METTL25: variants seen among roughly 807,000 people sequenced by gnomAD.
The protein encoded by METTL25 is methyltransferase like 25, also known as probable methyltransferase-like protein 25.
METTL25 carries 64 observed loss-of-function variants against 71.6 expected under a neutral mutation model. The observed-to-expected ratio is 0.89, with a 90% CI of 0.73 to 1.10. The LOEUF is 1.10. METTL25 is among the 50% of genes least tolerant of loss of function. The pLI, the probability that METTL25 is intolerant of heterozygous loss-of-function variation, is 0.00. For synonymous variants in METTL25, 287 were observed against 250.3 expected, an observed-to-expected ratio of 1.15 and a Z score of -1.38; for missense variants, 807 against 707.0, an observed-to-expected ratio of 1.14 and a Z score of -1.60.
intron 5 of METTL25, among the ~76,000 whole-genome samples, chr12:82,419,515 A>G (rs892988643): frequency 6.6e-6 from 1 of 152,104 alleles, no homozygotes; most frequent in Non-Finnish European, 1.5e-5. Flanking sequence ...TTCTTTTGAT[A>G]TGATACTGGA....
At chr12:82,410,383 T>G (rs1341240895) in intron 5 of METTL25, among the ~76,000 whole-genome samples, 1 of 152,176 alleles carries the variant, frequency 6.6e-6, no homozygotes, top group African/African-American at 2.4e-5. Flanking sequence ...ATATTTTCTA[T>G]CTCATACAAT....
At chr12:82,418,771 A>C (rs570883608) in intron 5 of METTL25, among the ~76,000 whole-genome samples, 1 of 152,146 alleles carries the variant, frequency 6.6e-6, no homozygotes, top group Non-Finnish European at 1.5e-5. Flanking sequence ...AAATGAATCC[A>C]TCATAAGGAC....
chr12:82,440,871 C>A (rs1890268942), intron 8 of METTL25, among the ~76,000 whole-genome samples: 1 of 151,924 alleles, frequency 6.6e-6, no homozygotes, highest in Admixed American at 6.6e-5. Context: ...AATTATGGGA[C>A]AAAAATCAAA....
At chr12:82,437,227 TA>T (rs1373765929) in intron 7 of METTL25, among the ~76,000 whole-genome samples, 1 of 151,710 alleles carries the variant, frequency 6.6e-6, no homozygotes, top group African/African-American at 2.4e-5. Context: ...AAAGAGATTT[TA>T]TATAAGAATT....
At chr12:82,400,882 T>C (rs1291058988) in intron 4 of METTL25, among the ~76,000 whole-genome samples, 1 of 152,180 alleles carries the variant, frequency 6.6e-6, no homozygotes, top group Non-Finnish European at 1.5e-5. Context: ...TCTTATATGA[T>C]AAATACAATA....
chr12:82,428,385 C>T (rs1252205505), intron 5 of METTL25, among the ~76,000 whole-genome samples: 1 of 151,830 alleles, frequency 6.6e-6, no homozygotes, highest in African/African-American at 2.4e-5. Flanking sequence ...TAGCACACCC[C>T]TGTCTCTCTA....
chr12:82,474,747 T>A (rs1032834164), intron 9 of METTL25, among the ~76,000 whole-genome samples: 1 of 151,434 alleles, frequency 6.6e-6, no homozygotes, highest in Admixed American at 6.6e-5. Flanking sequence ...AACAACAAAC[T>A]TTTTTTTTAA....
At chr12:82,445,597 T>C (rs182126008) in intron 8 of METTL25, among the ~76,000 whole-genome samples, 14 of 152,304 alleles carry the variant, frequency 9.2e-5, no homozygotes, top group Admixed American at 9.2e-4. Context: ...TCGTTGTCTT[T>C]AGGGCAGTAC....
chr12:82,437,613 T>A (rs1405065772), intron 7 of METTL25, among the ~76,000 whole-genome samples: 1 of 151,752 alleles, frequency 6.6e-6, no homozygotes, highest in Non-Finnish European at 1.5e-5. Flanking sequence ...ATAAACTCCA[T>A]CTGAATTAAT....
In METTL25 at chr12:82,472,297, G is replaced by A. The variant is rs142211835; in HGVS notation, c.1573-4347G>A. 3.7e-3 allele frequency among the ~76,000 whole-genome samples: 553 copies of A among 151,274 alleles called. 3 individuals are homozygous for A. Among genetic ancestry groups the A allele is most frequent in the Admixed American group, 0.01 (155 of 15,214 alleles). On this transcript the variant is annotated intron_variant, in intron 9 of 11. Transcript: ENST00000248306. ...TCAATAACATTTTTTTGTTTTTTTC[G>A]TTTTGAAAAAAAATTCTTGGGCCTG... is the stretch of plus-strand genomic sequence containing the variant.
intron 8 of METTL25, among the ~76,000 whole-genome samples, chr12:82,448,443 G>T (rs554955328): frequency 6.6e-6 from 1 of 151,904 alleles, no homozygotes; most frequent in South Asian, 2.1e-4. Flanking sequence ...TTTCTAAGGG[G>T]AATAAAATGC....
intron 5 of METTL25, among the ~76,000 whole-genome samples, chr12:82,422,358 TA>T (rs1888596600): frequency 6.6e-6 from 1 of 152,182 alleles, no homozygotes; most frequent in African/African-American, 2.4e-5. Context: ...CCCTTCATGC[TA>T]AAAACTCTCA....
intron 1 of METTL25, among the ~76,000 whole-genome samples, chr12:82,373,227 G>A (rs1245258329): frequency 6.6e-6 from 1 of 152,146 alleles, no homozygotes; most frequent in East Asian, 1.9e-4. Flanking sequence ...GGAGGGAAGG[G>A]ATCTCGAGGG....
intron 5 of METTL25, among the ~76,000 whole-genome samples, chr12:82,408,354 C>T (rs1052872092): frequency 5.3e-5 from 8 of 151,848 alleles, no homozygotes; most frequent in Non-Finnish European, 1.2e-4. Flanking sequence ...ATGCAGAGAG[C>T]TGGAGTAACT....
In METTL25 at chr12:82,398,798, A is replaced by G. The variant is rs1414062491; in HGVS notation, c.535A>G (p.Ile179Val). 1.3e-6 allele frequency: 2 copies of G among 1,512,818 alleles called. No individual in the cohort carries two copies. The highest frequency in any genetic ancestry group is 1.8e-6 in the Non-Finnish European group (2 of 1,138,122). The allele number at this position is 1,512,818 out of a possible 1,614,324, so 93.7% of individuals were successfully genotyped here. A position where few individuals can be genotyped will look rare whatever the true frequency, so the allele number is the denominator to read the frequency against. Residue 179 changes from isoleucine to valine, a missense_variant, in exon 4 of 12, where the codon ATT becomes GTT. By Grantham distance (29) the Ile-to-Val change is conservative. Coordinates refer to ENST00000248306, the MANE Select transcript of METTL25 (RefSeq NM_032230.3). Reference sequence around the variant, plus strand: ...TATTCTTTTTTTCTAATCTTAGGTGATTGACTTGGGTTCCGGTAAAGGCTA... The same window carrying G: ...TATTCTTTTTTTCTAATCTTAGGTGGTTGACTTGGGTTCCGGTAAAGGCTA... ...IADYYGIKQVIDLGSGKGYLS... is the reference protein window; with the variant it reads ...IADYYGIKQVVDLGSGKGYLS...
chr12:82,367,336 C>T, intron 1 of METTL25, among the ~76,000 whole-genome samples: 1 of 152,160 alleles, frequency 6.6e-6, no homozygotes, highest in Non-Finnish European at 1.5e-5. Flanking sequence ...CTGTTATCAT[C>T]ATTTATCATA....
At chr12:82,476,961 C>A (rs1244296002) in intron 10 of METTL25, among the ~76,000 whole-genome samples, 1 of 151,806 alleles carries the variant, frequency 6.6e-6, no homozygotes, top group Non-Finnish European at 1.5e-5. Flanking sequence ...CCTTTGAACA[C>A]ATATTGGTCC....
At chr12:82,447,698 C>G (rs775608120) in intron 8 of METTL25, among the ~76,000 whole-genome samples, 28 of 152,046 alleles carry the variant, frequency 1.8e-4, no homozygotes, top group Non-Finnish European at 3.5e-4. Context: ...ATATAGAAAT[C>G]AAGGTATTTA....
chr12:82,391,899 T>C (rs1288025685), intron 3 of METTL25, among the ~76,000 whole-genome samples: 4 of 151,600 alleles, frequency 2.6e-5, no homozygotes, highest in Non-Finnish European at 4.4e-5. Flanking sequence ...AACACCTACC[T>C]TAATGCTTTT....
Sources: gnomAD v4.1 joint callset for allele counts (sites outside exome capture counted in the v4.1 genomes callset) on GRCh38, gnomAD v4.1.1 for gene constraint, MANE v1.5 for transcripts, NCBI Gene and HGNC (gene_info 2026-07-23, HGNC 2026-07-21) for gene names.